Variants in RBFOX1 observed in about 807,000 individuals in gnomAD.
RBFOX1 encodes the protein RNA binding protein fox-1 homolog 1.
In RBFOX1, 8 loss-of-function variants were observed where a neutral mutation model predicts 57.7. The ratio of observed to expected loss-of-function variants is 0.14; its 90% CI spans 0.08 to 0.25. The LOEUF (loss-of-function observed/expected upper bound fraction) is 0.25. RBFOX1 is among the 10% of genes least tolerant of loss of function. The probability of loss-of-function intolerance (pLI) is 1.00; values close to 1 mark genes in which losing one functional copy is unlikely to be tolerated. For missense variants in RBFOX1, 611 were observed against 548.5 expected (o/e 1.11, Z -1.14); for synonymous variants, 326 against 222.4 (o/e 1.47, Z -4.15).
intron 1 of RBFOX1, among the ~76,000 whole-genome samples, chr16:5,280,855 T>C (rs185343630): frequency 5.3e-5 from 8 of 151,886 alleles, no homozygotes. Context: ...TCACTAGTGG[T>C]TTATCAATTT....
chr16:7,144,000 A>T (rs932686758), intron 4 of RBFOX1, among the ~76,000 whole-genome samples: 2 of 152,138 alleles, frequency 1.3e-5, no homozygotes, highest in African/African-American at 4.8e-5. Context: ...TTGTCTTTGG[A>T]ACATTCATAG....
At chr16:5,512,695 A>T (rs1415425335) in intron 2 of RBFOX1, among the ~76,000 whole-genome samples, 1 of 151,958 alleles carries the variant, frequency 6.6e-6, no homozygotes, top group Non-Finnish European at 1.5e-5. Flanking sequence ...CCCACCCCCA[A>T]CTCAGCTTTA....
chr16:6,384,510 AG>A (rs2092102118), intron 2 of RBFOX1, among the ~76,000 whole-genome samples: 1 of 152,132 alleles, frequency 6.6e-6, no homozygotes, highest in African/African-American at 2.4e-5. Flanking sequence ...TAAGTTGTAC[AG>A]GGCTTCTGAA....
intron 4 of RBFOX1, among the ~76,000 whole-genome samples, chr16:7,465,250 T>C (rs1014538096): frequency 6.6e-6 from 1 of 152,224 alleles, no homozygotes; most frequent in African/African-American, 2.4e-5. Flanking sequence ...GAGGATCCTC[T>C]GATAAGCCCA....
intron 15 of RBFOX1, chr16:7,709,509 C>G: frequency 1.3e-6 from 2 of 1,528,038 alleles, no homozygotes; most frequent in South Asian, 2.4e-5. Flanking sequence ...AGGTTCCAGC[C>G]CCAGCACAGA....
At chr16:5,493,187 C>A (rs180694624) in intron 2 of RBFOX1, among the ~76,000 whole-genome samples, 1 of 152,352 alleles carries the variant, frequency 6.6e-6, no homozygotes, top group Admixed American at 6.5e-5. Context: ...GAAGACATAG[C>A]TTTCATTTTT....
intron 1 of RBFOX1, among the ~76,000 whole-genome samples, chr16:6,243,794 A>G (rs148684856): frequency 0.016 from 2,507 of 152,234 alleles, 37 homozygotes; most frequent in Middle Eastern, 0.027. Context: ...GATGGTGGGA[A>G]CTTAGAGTCG....
At chr16:5,401,767 C>CCTCCTCCTT (rs1200748178) in intron 1 of RBFOX1, among the ~76,000 whole-genome samples, 3 of 140,000 alleles carry the variant, frequency 2.1e-5, no homozygotes, top group Admixed American at 2.1e-4. Context: ...CTGTCTCTCT[C>CCTCCTCCTT]CTCCTCCTCC....
At chr16:6,756,227 C>T (rs1443963512) in intron 3 of RBFOX1, among the ~76,000 whole-genome samples, 1 of 152,122 alleles carries the variant, frequency 6.6e-6, no homozygotes. Flanking sequence ...GGGGAAAGGA[C>T]ACCCTCTTCA....
At chr16:6,892,544 C>T (rs145796329) in intron 3 of RBFOX1, among the ~76,000 whole-genome samples, 17 of 152,228 alleles carry the variant, frequency 1.1e-4, no homozygotes, top group African/African-American at 4.1e-4. Flanking sequence ...GTGGCACACA[C>T]CTGTAATCTC....
chr16:5,360,435 G>A (rs1354722476), intron 1 of RBFOX1, among the ~76,000 whole-genome samples: 5 of 152,242 alleles, frequency 3.3e-5, no homozygotes, highest in Non-Finnish European at 2.9e-5. Flanking sequence ...AGGCTGGCTG[G>A]CTTGCCGGGA....
chr16:5,449,014 C>T (rs933498336), intron 1 of RBFOX1, among the ~76,000 whole-genome samples: 1 of 152,138 alleles, frequency 6.6e-6, no homozygotes, highest in Non-Finnish European at 1.5e-5. Flanking sequence ...GGCCAGGTCA[C>T]AGAGGTATTG....
chr16:6,704,377 C>G (rs1438478945), intron 3 of RBFOX1: 1 of 152,262 alleles, frequency 6.6e-6, no homozygotes, highest in Non-Finnish European at 1.5e-5. Context: ...GCAGCCAAAC[C>G]TAGACAAACA....
intron 2 of RBFOX1, among the ~76,000 whole-genome samples, chr16:6,488,296 T>C (rs2095550513): frequency 1.3e-5 from 2 of 152,198 alleles, no homozygotes; most frequent in African/African-American, 4.8e-5. Context: ...ATGTAAGTAC[T>C]AGTTGGATTT....
intron 2 of RBFOX1, among the ~76,000 whole-genome samples, chr16:6,488,422 C>T (rs998950572): frequency 7.2e-5 from 11 of 152,150 alleles, no homozygotes; most frequent in African/African-American, 2.7e-4. Flanking sequence ...CCGATTTCTT[C>T]CCGGGCACTT....
Position 6,097,742 on chromosome 16 carries a change from C to G in RBFOX1, c.-127+77750C>G, listed in dbSNP as rs1374343583. On this transcript the variant is annotated intron_variant, in intron 1 of 15. Coordinates refer to ENST00000550418, the MANE Select transcript of RBFOX1 (RefSeq NM_018723.4). The surrounding 1 kb of genome is among the most constrained non-coding windows in gnomAD (Gnocchi z 5.0). Reference sequence around the variant, plus strand: ...CTCCTGTGCTATACTGCCTCTGTGTCTTTGGTCTGTGTTCTCTTCTTTTTT... The same window carrying G: ...CTCCTGTGCTATACTGCCTCTGTGTGTTTGGTCTGTGTTCTCTTCTTTTTT... 6.6e-6 allele frequency among the ~76,000 whole-genome samples: 1 copy of G among 151,500 alleles called. No homozygotes were observed. The highest frequency in any genetic ancestry group is 1.9e-4 in the East Asian group (1 of 5,164).
intron 1 of RBFOX1, among the ~76,000 whole-genome samples, chr16:6,314,260 G>A (rs1548840): frequency 0.17 from 25,365 of 152,138 alleles, 2,225 homozygotes; most frequent in Middle Eastern, 0.23. Context: ...TACATAAGGG[G>A]CCGTTTCCCA....
At chr16:5,993,744 C>G (rs559160723) in intron 4 of RBFOX1, among the ~76,000 whole-genome samples, 1 of 152,224 alleles carries the variant, frequency 6.6e-6, no homozygotes, top group East Asian at 1.9e-4. Context: ...GATGATGTAT[C>G]GCTGCATTTT....
intron 1 of RBFOX1, among the ~76,000 whole-genome samples, chr16:6,241,216 A>G (rs902964618): frequency 3.9e-5 from 6 of 152,230 alleles, no homozygotes; most frequent in African/African-American, 1.4e-4. Context: ...CAGACGGGGC[A>G]CTATTGTAAT....
Sources: allele counts gnomAD v4.1 joint callset (sites outside exome capture counted in the v4.1 genomes callset), GRCh38; gene constraint gnomAD v4.1.1; non-coding constraint Gnocchi (gnomAD v3.1); transcripts MANE v1.5; gene names NCBI Gene and HGNC (gene_info 2026-07-23, HGNC 2026-07-21).